Variants in PRKD1 observed in about 807,000 individuals in gnomAD.
The protein encoded by PRKD1 is serine/threonine-protein kinase D1.
A neutral mutation model predicts 95.9 loss-of-function variants in PRKD1; 63 were observed. The observed-to-expected ratio is 0.66, with a 90% confidence interval of 0.54 to 0.81. The LOEUF (loss-of-function observed/expected upper bound fraction) is 0.81. Among genes scored for constraint, PRKD1 ranks in the 30% least tolerant of loss-of-function variants. PRKD1 has a pLI of 0.00. For missense variants in PRKD1, 1,048 were observed against 1,165.3 expected, an observed-to-expected ratio of 0.90 and a Z score of 1.47; for synonymous variants, 425 against 423.1, an observed-to-expected ratio of 1.00 and a Z score of -0.05.
At chr14:29,898,761 C>CTG (rs1201495476) in intron 1 of PRKD1, among the ~76,000 whole-genome samples, 1 of 152,154 alleles carries the variant, frequency 6.6e-6, no homozygotes, top group Non-Finnish European at 1.5e-5. Flanking sequence ...ATTACATCAG[C>CTG]TGTGTCCACA....
At chr14:29,900,009 G>A (rs1894268018) in intron 1 of PRKD1, among the ~76,000 whole-genome samples, 1 of 152,180 alleles carries the variant, frequency 6.6e-6, no homozygotes, top group African/African-American at 2.4e-5. Flanking sequence ...TGTGAAGAAG[G>A]TGCTTGCTTC....
intron 1 of PRKD1, among the ~76,000 whole-genome samples, chr14:29,801,174 G>C (rs1411850339): frequency 1.3e-5 from 2 of 152,056 alleles, no homozygotes; most frequent in African/African-American, 4.8e-5. Flanking sequence ...ACTCAGGCAG[G>C]AGCTGGTACT....
chr14:29,734,818 T>C (rs1381393084), intron 1 of PRKD1, among the ~76,000 whole-genome samples: 1 of 152,170 alleles, frequency 6.6e-6, no homozygotes, highest in Non-Finnish European at 1.5e-5. Flanking sequence ...TTTCCATTAT[T>C]GTTCCCCCAA....
At chr14:29,854,170 G>A (rs1387546718) in intron 1 of PRKD1, among the ~76,000 whole-genome samples, 2 of 152,150 alleles carry the variant, frequency 1.3e-5, no homozygotes, top group African/African-American at 2.4e-5. Flanking sequence ...ATGTGGAAGC[G>A]ACATTGCAAC....
rs188007773 is a variant in PRKD1, at chr14:29,815,639, C to T, written c.265-89965G>A. 1.1e-4 allele frequency among the ~76,000 whole-genome samples: 16 copies of T among 152,308 alleles called. No individual in the cohort carries two copies. The East Asian group carries it at 2.9e-3, about 28-fold the overall frequency. The stretch of plus-strand genomic sequence containing the variant: ...TTTCTGGATAGTGGAACATGTCTCC[C>T]AGTCTCAAGGTTTTTCCTAAGTGAC... On this transcript the variant is annotated intron_variant, in intron 1 of 17. Transcript: ENST00000331968.
intron 2 of PRKD1, among the ~76,000 whole-genome samples, chr14:29,680,863 G>A (rs1388296149): frequency 6.6e-6 from 1 of 152,168 alleles, no homozygotes; most frequent in Admixed American, 6.5e-5. Context: ...AGAAGTAGAT[G>A]GAGGAATTGA....
chr14:29,635,998 C>A (rs1880338932), intron 7 of PRKD1, among the ~76,000 whole-genome samples: 1 of 149,988 alleles, frequency 6.7e-6, no homozygotes, highest in African/African-American at 2.5e-5. Context: ...TTAATATTAA[C>A]TTAGTAATAA....
At chr14:29,622,586 A>G (rs1247757541) in intron 13 of PRKD1, among the ~76,000 whole-genome samples, 1 of 151,980 alleles carries the variant, frequency 6.6e-6, no homozygotes, top group African/African-American at 2.4e-5. Context: ...TATTTTTAGT[A>G]GAGATGGGGT....
chr14:29,903,648 A>G (rs1156702270), intron 1 of PRKD1, among the ~76,000 whole-genome samples: 1 of 152,226 alleles, frequency 6.6e-6, no homozygotes, highest in East Asian at 1.9e-4. Context: ...AAAACCCTGG[A>G]TTAAAAATAA....
intron 4 of PRKD1, among the ~76,000 whole-genome samples, chr14:29,641,896 TTC>T (rs1491240385): frequency 3.4e-4 from 51 of 149,196 alleles, no homozygotes; most frequent in African/African-American, 9.8e-4. Flanking sequence ...TTAAAAATAT[TTC>T]TTTTTTTTTT....
At chr14:29,678,256 C>T (rs2139258538) in intron 2 of PRKD1, among the ~76,000 whole-genome samples, 1 of 152,198 alleles carries the variant, frequency 6.6e-6, no homozygotes, top group Middle Eastern at 3.4e-3. Context: ...TACAACTTTG[C>T]TACTAACTTG....
intron 1 of PRKD1, among the ~76,000 whole-genome samples, chr14:29,756,927 C>T (rs1038259550): frequency 2.0e-5 from 3 of 152,192 alleles, no homozygotes; most frequent in Non-Finnish European, 4.4e-5. Context: ...ACTCTAATAT[C>T]CTCTGGTTAG....
intron 1 of PRKD1, among the ~76,000 whole-genome samples, chr14:29,753,560 C>G (rs547371910): frequency 2.3e-4 from 35 of 152,184 alleles, no homozygotes; most frequent in Admixed American, 6.5e-4. Flanking sequence ...CAAATGGTGT[C>G]TATGCCTACT....
At chr14:29,631,406 C>G (rs1594378493) in intron 9 of PRKD1, among the ~76,000 whole-genome samples, 1 of 151,978 alleles carries the variant, frequency 6.6e-6, no homozygotes, top group African/African-American at 2.4e-5. Context: ...TAAATTTTAA[C>G]CTATTCTTTA....
chr14:29,670,793 T>G (rs1270479282), intron 2 of PRKD1, among the ~76,000 whole-genome samples: 1 of 152,202 alleles, frequency 6.6e-6, no homozygotes, highest in African/African-American at 2.4e-5. Context: ...TTAGATCAGA[T>G]TCTCCCTTCA....
intron 1 of PRKD1, among the ~76,000 whole-genome samples, chr14:29,838,143 T>G (rs143210052): frequency 2.3e-3 from 356 of 152,312 alleles, no homozygotes; most frequent in African/African-American, 7.7e-3. Flanking sequence ...TTCCTGATTT[T>G]TATAATACCT....
At chr14:29,867,395 C>T (rs1448472333) in intron 1 of PRKD1, among the ~76,000 whole-genome samples, 2 of 152,076 alleles carry the variant, frequency 1.3e-5, no homozygotes, top group African/African-American at 4.8e-5. Context: ...AATAGAATAT[C>T]CTAGCAAGAG....
At chr14:29,676,185 T>G (rs72677425) in intron 2 of PRKD1, among the ~76,000 whole-genome samples, 13 of 94,356 alleles carry the variant, frequency 1.4e-4, no homozygotes, top group South Asian at 7.0e-4. Flanking sequence ...ACGTTTTTGT[T>G]TTTTTTTTTT....
intron 1 of PRKD1, among the ~76,000 whole-genome samples, chr14:29,897,899 T>C (rs1753052086): frequency 6.6e-6 from 1 of 152,132 alleles, no homozygotes; most frequent in Admixed American, 6.5e-5. Context: ...TAACATTTTC[T>C]TACCTATTGT....
Sources: allele counts gnomAD v4.1 joint callset (sites outside exome capture counted in the v4.1 genomes callset), GRCh38; gene constraint gnomAD v4.1.1; transcripts MANE v1.5; gene names NCBI Gene and HGNC (gene_info 2026-07-23, HGNC 2026-07-21).